The following SNTG1 variants were observed in gnomAD, a reference collection of about 807,000 sequenced individuals.
SNTG1 encodes the protein gamma-1-syntrophin.
A neutral mutation model predicts 74.7 loss-of-function variants in SNTG1; 39 were observed. The observed-to-expected ratio is 0.52, with a 90% CI of 0.40 to 0.68. The LOEUF is 0.68. SNTG1 is among the 30% of genes least tolerant of loss of function. The pLI, the probability that SNTG1 is intolerant of heterozygous loss-of-function variation, is 0.00. For missense variants in SNTG1, 685 were observed against 609.5 expected, an observed-to-expected ratio of 1.12 and a Z score of -1.30; for synonymous variants, 254 against 217.1, an observed-to-expected ratio of 1.17 and a Z score of -1.49.
Position 50,350,030 on chromosome 8 carries a change from C to T in SNTG1, c.-27-44182C>T, listed in dbSNP as rs868741947. Among the ~76,000 whole-genome samples the T allele has an allele frequency of 5.9e-5, 9 of 152,292 alleles. No individual in the cohort carries two copies. The East Asian group carries it at 9.7e-4, about 16-fold the overall frequency. On this transcript the variant is annotated intron_variant, in intron 2 of 18. Transcript: ENST00000642720. ...ACTCAGAGCGGCCAGCCAGGCCTGC[C>T]GGCCGGGCAATGAGGGGCTTAGCAC...
At chr8:50,183,812 T>G (rs917582866) in intron 2 of SNTG1, among the ~76,000 whole-genome samples, 3 of 152,160 alleles carry the variant, frequency 2.0e-5, no homozygotes, top group Non-Finnish European at 4.4e-5. Flanking sequence ...AATTTGCTAT[T>G]TATATCTATT....
chr8:50,109,504 C>G (rs1314980007), intron 1 of SNTG1, among the ~76,000 whole-genome samples: 1 of 152,062 alleles, frequency 6.6e-6, no homozygotes, highest in Non-Finnish European at 1.5e-5. Context: ...CTAGTTAGAT[C>G]AAGAGTTCTC....
intron 1 of SNTG1, among the ~76,000 whole-genome samples, chr8:49,947,419 A>G (rs1809297598): frequency 6.6e-6 from 1 of 152,230 alleles, no homozygotes; most frequent in African/African-American, 2.4e-5. Flanking sequence ...GTCCTGGTGA[A>G]TACATTCTTT....
At chr8:50,350,887 T>A (rs1221677593) in intron 2 of SNTG1, among the ~76,000 whole-genome samples, 1 of 152,170 alleles carries the variant, frequency 6.6e-6, no homozygotes, top group Non-Finnish European at 1.5e-5. Context: ...TGGGGCCAGA[T>A]AAGAGAATGA....
At chr8:50,053,805 C>T (rs900181298) in intron 1 of SNTG1, among the ~76,000 whole-genome samples, 2 of 151,890 alleles carry the variant, frequency 1.3e-5, no homozygotes, top group South Asian at 2.1e-4. Context: ...ACACAAACCC[C>T]ACCACAACAC....
At chr8:49,986,224 A>G (rs1295382294) in intron 1 of SNTG1, among the ~76,000 whole-genome samples, 1 of 152,124 alleles carries the variant, frequency 6.6e-6, no homozygotes, top group Non-Finnish European at 1.5e-5. Flanking sequence ...AATAATCTGA[A>G]TTTCTTGTGC....
chr8:50,706,352 T>C (rs771343173), intron 16 of SNTG1, among the ~76,000 whole-genome samples: 9 of 152,154 alleles, frequency 5.9e-5, no homozygotes, highest in Non-Finnish European at 1.3e-4. Context: ...AGCATTAAAA[T>C]ATAATTTAAT....
chr8:50,704,011 AC>A (rs1419813316), intron 15 of SNTG1, among the ~76,000 whole-genome samples: 1 of 152,198 alleles, frequency 6.6e-6, no homozygotes, highest in Non-Finnish European at 1.5e-5. Context: ...AAATTTGTGA[AC>A]ACTTCAGTTG....
At chr8:50,669,877 C>A (rs1340243379) in intron 15 of SNTG1, among the ~76,000 whole-genome samples, 1 of 152,158 alleles carries the variant, frequency 6.6e-6, no homozygotes, top group African/African-American at 2.4e-5. Context: ...GGATGCAAGG[C>A]TGGTTCAATA....
At chr8:50,188,277 G>T (rs2083453142) in intron 2 of SNTG1, among the ~76,000 whole-genome samples, 1 of 151,994 alleles carries the variant, frequency 6.6e-6, no homozygotes. Flanking sequence ...GCAAGCCATT[G>T]GCTTCAGCTC....
At chr8:50,083,258 T>G (rs902573635) in intron 1 of SNTG1, among the ~76,000 whole-genome samples, 3 of 152,224 alleles carry the variant, frequency 2.0e-5, no homozygotes, top group African/African-American at 7.2e-5. Flanking sequence ...TTTGACCGTT[T>G]GTTCAATTTT....
intron 18 of SNTG1, among the ~76,000 whole-genome samples, chr8:50,757,260 T>C (rs954016909): frequency 4.0e-5 from 6 of 151,864 alleles, no homozygotes; most frequent in African/African-American, 1.4e-4. Context: ...ATTAATTGAA[T>C]TTCAAATTTT....
At chr8:50,690,945 A>G (rs1235577138) in intron 15 of SNTG1, among the ~76,000 whole-genome samples, 1 of 152,178 alleles carries the variant, frequency 6.6e-6, no homozygotes, top group South Asian at 2.1e-4. Flanking sequence ...TATTGGGTGC[A>G]TATATATTTA....
chr8:50,630,733 C>T (rs539438417), intron 13 of SNTG1, among the ~76,000 whole-genome samples: 1 of 152,238 alleles, frequency 6.6e-6, no homozygotes, highest in African/African-American at 2.4e-5. Context: ...GAGTTATACC[C>T]CAAGAAGACA....
intron 17 of SNTG1, among the ~76,000 whole-genome samples, chr8:50,714,246 G>A (rs964470610): frequency 8.5e-5 from 13 of 152,062 alleles, no homozygotes; most frequent in East Asian, 1.9e-4. Flanking sequence ...TAGCCTAGTA[G>A]TATAGTTTGA....
At chr8:50,671,446 C>T (rs1032374230) in intron 15 of SNTG1, among the ~76,000 whole-genome samples, 1 of 151,210 alleles carries the variant, frequency 6.6e-6, no homozygotes, top group East Asian at 2.0e-4. Flanking sequence ...TAAAAAAATG[C>T]TCATCATCAC....
intron 2 of SNTG1, among the ~76,000 whole-genome samples, chr8:50,230,835 G>C (rs1433709445): frequency 2.0e-5 from 1 of 50,466 alleles, no homozygotes; most frequent in Non-Finnish European, 5.6e-5. Context: ...CATTGGTTTG[G>C]GTAACTTTTT....
At chr8:50,015,977 A>G (rs1011017780) in intron 1 of SNTG1, among the ~76,000 whole-genome samples, 2 of 152,110 alleles carry the variant, frequency 1.3e-5, no homozygotes, top group African/African-American at 4.8e-5. Context: ...GTTGTGGAGA[A>G]GAATTGGGCC....
intron 1 of SNTG1, among the ~76,000 whole-genome samples, chr8:50,148,033 G>A (rs2081931893): frequency 1.3e-5 from 2 of 152,228 alleles, no homozygotes; most frequent in South Asian, 2.1e-4. Flanking sequence ...AAGGACATGG[G>A]ACCCAATCTG....
Sources: gnomAD v4.1 joint callset for allele counts (sites outside exome capture counted in the v4.1 genomes callset) on GRCh38, gnomAD v4.1.1 for gene constraint, MANE v1.5 for transcripts, NCBI Gene and HGNC (gene_info 2026-07-23, HGNC 2026-07-21) for gene names.